Variants in LHX2 observed in about 807,000 individuals in gnomAD.
The protein encoded by LHX2 is LIM homeobox 2, also known as LIM/homeobox protein Lhx2.
In LHX2, 6 loss-of-function variants were observed where a neutral mutation model predicts 33.0. The ratio of observed to expected loss-of-function variants is 0.18; its 90% CI spans 0.10 to 0.36. The LOEUF (loss-of-function observed/expected upper bound fraction) is 0.36. LHX2 is among the 10% of genes least tolerant of loss of function. The pLI is 1.00. For synonymous variants in LHX2, 292 were observed against 253.1 expected (o/e 1.15, Z -1.46); for missense variants, 442 against 586.2 (o/e 0.75, Z 2.54).
At chr9:124,017,956 C>T (rs954556043) in intron 3 of LHX2, among the ~76,000 whole-genome samples, 1 of 151,824 alleles carries the variant, frequency 6.6e-6, no homozygotes, top group African/African-American at 2.4e-5. Context: ...GGGCCCGGGC[C>T]GCGCACTTTG....
rs956876479 is a variant in LHX2, at chr9:124,012,814, G to T, written c.120+346G>T. 6.6e-6 allele frequency among the ~76,000 whole-genome samples: 1 copy of T among 152,222 alleles called. No homozygotes were observed. Among genetic ancestry groups the T allele is most frequent in the South Asian group, 2.1e-4 (1 of 4,832 alleles). Reference sequence around the variant, plus strand: ...GCGCTCTCCTCCACCTCTCGGCTCCGGTTGCTGGCGGCGCCGCGAGCGGCG... The same window carrying T: ...GCGCTCTCCTCCACCTCTCGGCTCCTGTTGCTGGCGGCGCCGCGAGCGGCG... On this transcript the variant is annotated intron_variant, in intron 1 of 4. Coordinates refer to ENST00000373615, the MANE Select transcript of LHX2 (RefSeq NM_004789.4). This position sits in a 1 kb window ranked among gnomAD's most constrained non-coding sequence, Gnocchi z 4.3.
At chr9:124,018,758 T>A (rs1329432319) in intron 3 of LHX2, among the ~76,000 whole-genome samples, 1 of 152,226 alleles carries the variant, frequency 6.6e-6, no homozygotes, top group Non-Finnish European at 1.5e-5. Context: ...GTCTGTCCTC[T>A]CTTTTTCCTG....
At chr9:124,023,793 T>C (rs1054911577) in intron 4 of LHX2, among the ~76,000 whole-genome samples, 14 of 152,292 alleles carry the variant, frequency 9.2e-5, no homozygotes, top group African/African-American at 2.6e-4. Context: ...GACACAGAGA[T>C]GAACAAACCA....
intron 4 of LHX2, among the ~76,000 whole-genome samples, chr9:124,027,771 T>A (rs746090635): frequency 1.4e-4 from 21 of 151,878 alleles, no homozygotes; most frequent in Admixed American, 1.0e-3. Context: ...TGAGCTGAGA[T>A]CGCACTACTG....
At position 124,014,673 on chromosome 9, in the gene LHX2, A is replaced by G. The variant is rs1859154226; in HGVS notation, c.324-449A>G. Among the ~76,000 whole-genome samples the G allele has an allele frequency of 6.6e-6, 1 of 152,188 alleles. No homozygotes were observed. The highest frequency in any genetic ancestry group is 2.1e-4 in the South Asian group (1 of 4,826). On this transcript the variant is annotated intron_variant, in intron 2 of 4. Coordinates refer to ENST00000373615, the MANE Select transcript of LHX2 (RefSeq NM_004789.4). This position sits in a 1 kb window ranked among gnomAD's most constrained non-coding sequence, Gnocchi z 4.8. ...AAGTTCTCTGTTTCTCCTTCTCCCCAGTTTTAGGATTAGGGTCTATGTATA... is the reference window on the plus strand; with the variant it reads ...AAGTTCTCTGTTTCTCCTTCTCCCCGGTTTTAGGATTAGGGTCTATGTATA...
chr9:124,017,526 C>T (rs1859212592), intron 3 of LHX2, among the ~76,000 whole-genome samples: 2 of 152,180 alleles, frequency 1.3e-5, no homozygotes, highest in South Asian at 2.1e-4. Context: ...AGCGGGGACC[C>T]TGGAGGGTGC....
At chr9:124,026,477 G>A (rs76233131) in intron 4 of LHX2, among the ~76,000 whole-genome samples, 5 of 148,294 alleles carry the variant, frequency 3.4e-5, no homozygotes, top group African/African-American at 7.6e-5. Flanking sequence ...AAAAAAAAAA[G>A]ACATTGAACA....
chr9:124,015,602 A>G lies in LHX2; in HGVS notation c.727+77A>G. On this transcript the variant is annotated intron_variant, in intron 3 of 4. Transcript: ENST00000373615. This position sits in a 1 kb window ranked among gnomAD's most constrained non-coding sequence, Gnocchi z 7.9. ...GCCTCGACGGCCGGGAGCTGGATTG[A>G]ATCTCTGTGTGCTGGGCAAATAGCG... 7.1e-7 allele frequency: 1 copy of G among 1,399,512 alleles called. No homozygotes were observed. Among genetic ancestry groups the G allele is most frequent in the South Asian group, 1.5e-5 (1 of 65,788 alleles). 86.7% of individuals were successfully genotyped at this position (1,399,512 alleles called of 1,614,324 possible).
intron 1 of LHX2, among the ~76,000 whole-genome samples, chr9:124,013,193 GA>G (rs759967374): frequency 2.6e-5 from 4 of 152,268 alleles, no homozygotes; most frequent in Non-Finnish European, 4.4e-5. Flanking sequence ...TGACCTTTAG[GA>G]GGCCGCGGAG....
rs1564547617 is a variant in LHX2, at chr9:124,012,119, G to T, written c.-230G>T. On this transcript the variant is annotated 5_prime_UTR_variant, in exon 1 of 5. Coordinates refer to ENST00000373615, the MANE Select transcript of LHX2 (RefSeq NM_004789.4). The surrounding 1 kb of genome is among the most constrained non-coding windows in gnomAD (Gnocchi z 4.3). Reference sequence around the variant, plus strand: ...TTGTGACCCTGGCTTTGGCGCCGTCGCCCAGGCGCCCCGCAATGTAGCTGC... The same window carrying T: ...TTGTGACCCTGGCTTTGGCGCCGTCTCCCAGGCGCCCCGCAATGTAGCTGC... 1 of 203,258 alleles carries T rather than the reference G, an allele frequency of 4.9e-6. No homozygotes were observed. The highest frequency in any genetic ancestry group is 9.6e-6 in the Non-Finnish European group (1 of 103,970). 12.6% of individuals were successfully genotyped at this position (203,258 alleles called of 1,614,324 possible). A position where few individuals can be genotyped will look rare whatever the true frequency, so the allele number is the denominator to read the frequency against.
chr9:124,029,472 C>G (rs551148981), intron 4 of LHX2, among the ~76,000 whole-genome samples: 1 of 152,136 alleles, frequency 6.6e-6, no homozygotes, highest in African/African-American at 2.4e-5. Context: ...CCAGAGCAGC[C>G]GGGCTTTTAA....
chr9:124,029,766 C>T (rs1828683010), intron 4 of LHX2, among the ~76,000 whole-genome samples: 1 of 152,240 alleles, frequency 6.6e-6, no homozygotes, highest in Non-Finnish European at 1.5e-5. Flanking sequence ...GCACAGGCTG[C>T]TCAGGGGTCA....
rs1385664206 is a variant in LHX2, at chr9:124,014,843, C to G, written c.324-279C>G. ...TGAGGAGGGGGTAAGTGGTAAGTGT[C>G]TCCCTCCACTCCCAGGTAAAGGCTT... On this transcript the variant is annotated intron_variant, in intron 2 of 4. Coordinates refer to ENST00000373615, the MANE Select transcript of LHX2 (RefSeq NM_004789.4). This position sits in a 1 kb window ranked among gnomAD's most constrained non-coding sequence, Gnocchi z 4.8. 6.6e-6 allele frequency among the ~76,000 whole-genome samples: 1 copy of G among 152,146 alleles called. No homozygotes were observed. Among genetic ancestry groups the G allele is most frequent in the Non-Finnish European group, 1.5e-5 (1 of 68,026 alleles).
At position 124,021,056 on chromosome 9, in the gene LHX2, CG is replaced by C. The variant is rs533801316; in HGVS notation, c.728-40del. On this transcript the variant is annotated intron_variant, in intron 3 of 4. Transcript: ENST00000373615. ...GCGAGTGTGGATTTGGCATGGGGGG[CG>C]GGTCAGGAAGTTCACCCACCGGCTC... is the stretch of plus-strand genomic sequence containing the variant. The C allele has an allele frequency of 3.5e-3, 5,502 of 1,575,486 alleles. 16 individuals carry two copies. Among genetic ancestry groups the C allele is most frequent in the Non-Finnish European group, 4.4e-3 (5,040 of 1,147,216 alleles).
rs768659926 is a variant in LHX2, at chr9:124,015,383, G to A, written c.585G>A (p.Ala195=). Residue 195 remains alanine, a synonymous_variant, in exon 3 of 5, where the codon GCG becomes GCA. Transcript: ENST00000373615. The surrounding 1 kb of genome is among the most constrained non-coding windows in gnomAD (Gnocchi z 7.9). ...CAGCGGCGGCCGCTGCAGCCGCGGC[G>A]GCCAAGAGCGCGGGGCTGGGCGCAG... ...DVAAAAAAAA[A]AKSAGLGAAG... 1.9e-6 allele frequency: 3 copies of A among 1,609,710 alleles called. No individual in the cohort carries two copies. The highest frequency in any genetic ancestry group is 2.5e-6 in the Non-Finnish European group (3 of 1,177,846).
At chr9:124,020,747 C>T (rs529518886) in intron 3 of LHX2, among the ~76,000 whole-genome samples, 2 of 152,338 alleles carry the variant, frequency 1.3e-5, no homozygotes, top group Admixed American at 6.5e-5. Flanking sequence ...AGCCCTTTAA[C>T]ACATCACCTG....
At chr9:124,013,449 G>A (rs1010341118) in intron 1 of LHX2, among the ~76,000 whole-genome samples, 9 of 152,258 alleles carry the variant, frequency 5.9e-5, no homozygotes, top group African/African-American at 2.2e-4. Context: ...TGGCTGACTT[G>A]TCCTGGCCTT....
intron 4 of LHX2, 60 bp downstream of exon 4, chr9:124,021,364 C>T (rs1859290428): frequency 2.7e-6 from 4 of 1,508,474 alleles, no homozygotes; most frequent in Non-Finnish European, 3.6e-6. Context: ...TGGAACCCTG[C>T]ACCCCTCGCC....
At chr9:124,017,970 C>G (rs1287709553) in intron 3 of LHX2, among the ~76,000 whole-genome samples, 1 of 151,776 alleles carries the variant, frequency 6.6e-6, no homozygotes. Flanking sequence ...CACTTTGCGC[C>G]TGGGTTTGCG....
Sources: gnomAD v4.1 joint callset for allele counts (sites outside exome capture counted in the v4.1 genomes callset) on GRCh38, gnomAD v4.1.1 for gene constraint, Gnocchi (gnomAD v3.1) non-coding constraint, MANE v1.5 for transcripts, NCBI Gene and HGNC (gene_info 2026-07-23, HGNC 2026-07-21) for gene names.